The following G6PC2 variants were observed in gnomAD, a reference collection of about 807,000 sequenced individuals.
G6PC2 encodes the protein glucose-6-phosphatase 2.
Under a neutral mutation model 35.4 loss-of-function variants are expected in G6PC2, and 41 were observed. The ratio of observed to expected loss-of-function variants is 1.16; its 90% CI spans 0.90 to 1.50. The LOEUF (loss-of-function observed/expected upper bound fraction) is 1.50, where lower values mean the gene tolerates loss of function less well. Among genes scored for constraint, G6PC2 ranks in the 40% most tolerant of loss-of-function variants. The probability of loss-of-function intolerance (pLI) is 0.00; values close to 1 mark genes in which losing one functional copy is unlikely to be tolerated. For synonymous variants in G6PC2, 165 were observed against 153.2 expected (o/e 1.08, Z -0.57); for missense variants, 441 against 426.5 (o/e 1.03, Z -0.30).
At position 168,908,448 on chromosome 2, in the gene G6PC2, A is replaced by G; in HGVS notation, c.*369A>G. ...TTCTCACAGTCTTCAGCATCCCAGC[A>G]GGAGCCCCACTATGATTCCTTTATC... On this transcript the variant is annotated 3_prime_UTR_variant, in exon 5 of 5. Coordinates refer to ENST00000375363, the MANE Select transcript of G6PC2 (RefSeq NM_021176.3). The G allele has an allele frequency of 3.2e-6, 1 of 312,346 alleles. No homozygotes were observed. Among genetic ancestry groups the G allele is most frequent in the Non-Finnish European group, 6.0e-6 (1 of 167,032 alleles). 19.3% of individuals were successfully genotyped at this position (312,346 alleles called of 1,614,324 possible).
intron 4 of G6PC2, 30 bp downstream of exon 4, chr2:168,906,809 T>C (rs763091287): frequency 1.9e-5 from 20 of 1,056,588 alleles, no homozygotes; most frequent in Non-Finnish European, 4.5e-6. Flanking sequence ...TTTAGCTGTG[T>C]CCTTTGAAAG....
At chr2:168,905,267 T>G (rs1690684405) in intron 3 of G6PC2, among the ~76,000 whole-genome samples, 1 of 152,158 alleles carries the variant, frequency 6.6e-6, no homozygotes, top group African/African-American at 2.4e-5. Context: ...CTGAAATACT[T>G]TGTCATTAAA....
At chr2:168,904,118 TTTC>T (rs1384791768) in intron 2 of G6PC2, among the ~76,000 whole-genome samples, 1 of 151,914 alleles carries the variant, frequency 6.6e-6, no homozygotes, top group Non-Finnish European at 1.5e-5. Context: ...TTGCCATTAC[TTTC>T]AATGGCAAAA....
At position 168,907,954 on chromosome 2, in the gene G6PC2, C is replaced by CA; in HGVS notation, c.944dup (p.His315GlnfsTer13). On this transcript the variant is annotated frameshift_variant, in exon 5 of 5. Coordinates refer to ENST00000375363, the MANE Select transcript of G6PC2 (RefSeq NM_021176.3). LOFTEE classifies it high-confidence loss of function. The stretch of plus-strand genomic sequence containing the variant: ...CTACCATTTCCTCCAGATCCCGACT[C>CA]ACGAAGAGCATTTATTTTATGTGCT... The CA allele has an allele frequency of 6.2e-7, 1 of 1,614,112 alleles. No homozygotes were observed. The highest frequency in any genetic ancestry group is 1.3e-5 in the African/African-American group (1 of 75,058).
In G6PC2 at chr2:168,902,428, T is replaced by C. The variant is rs1207502888; in HGVS notation, c.219-17T>C. ...GTATTTAAATATATATGCATGTTTA[T>C]AATTCTTTAAATACAGGATATTATT... is the stretch of plus-strand genomic sequence containing the variant. On this transcript the variant is annotated splice_polypyrimidine_tract_variant and intron_variant, in intron 1 of 4. Coordinates refer to ENST00000375363, the MANE Select transcript of G6PC2 (RefSeq NM_021176.3). The C allele has an allele frequency of 2.0e-6, 2 of 975,780 alleles. No individual in the cohort carries two copies. The highest frequency in any genetic ancestry group is 1.7e-6 in the Non-Finnish European group (1 of 597,488). The allele number at this position is 975,780 out of a possible 1,614,324, so 60.4% of individuals were successfully genotyped here.
At chr2:168,906,599 C>T in intron 3 of G6PC2, 65 bp from the exon 4 acceptor site, 1 of 798,454 alleles carries the variant, frequency 1.3e-6, no homozygotes. Flanking sequence ...CTGATGTCAC[C>T]CCCTCTAATT....
intron 3 of G6PC2, among the ~76,000 whole-genome samples, chr2:168,905,028 A>G (rs1316051218): frequency 6.6e-6 from 1 of 152,256 alleles, no homozygotes. Context: ...CAGTTTATTC[A>G]GTAAAATTAT....
intron 4 of G6PC2, among the ~76,000 whole-genome samples, 199 bp downstream of exon 4, chr2:168,906,978 C>T (rs568565321): frequency 6.6e-6 from 1 of 152,192 alleles, no homozygotes; most frequent in Non-Finnish European, 1.5e-5. Flanking sequence ...GTGGCACAAT[C>T]TCAGTGGCGT....
At chr2:168,905,560 C>G (rs1690691367) in intron 3 of G6PC2, among the ~76,000 whole-genome samples, 1 of 152,052 alleles carries the variant, frequency 6.6e-6, no homozygotes. Context: ...TAAAAAGGTG[C>G]TATAATGTAA....
chr2:168,902,781 C>T (rs555728356), intron 2 of G6PC2, among the ~76,000 whole-genome samples: 53 of 152,174 alleles, frequency 3.5e-4, no homozygotes, highest in African/African-American at 9.4e-4. Flanking sequence ...GAAAACTCCC[C>T]CAGTGATTAA....
chr2:168,904,076 G>A (rs1690657049), intron 2 of G6PC2, among the ~76,000 whole-genome samples: 1 of 151,918 alleles, frequency 6.6e-6, no homozygotes, highest in Admixed American at 6.6e-5. Flanking sequence ...TCCAATACAA[G>A]CATTAGGGTG....
Position 168,908,108 on chromosome 2 carries a change from C to T in G6PC2, c.*29C>T. 6.3e-7 allele frequency: 1 copy of T among 1,585,536 alleles called. No individual in the cohort carries two copies. Among genetic ancestry groups the T allele is most frequent in the South Asian group, 1.1e-5 (1 of 90,548 alleles). ...GGTGCCTAGAGTTAGTGCTCTGTGT[C>T]ACAGATCACCCTTCTCCATCCACCA... On this transcript the variant is annotated 3_prime_UTR_variant, in exon 5 of 5. Coordinates refer to ENST00000375363, the MANE Select transcript of G6PC2 (RefSeq NM_021176.3).
chr2:168,902,653 AG>A (rs1690625720), intron 2 of G6PC2, 99 bp downstream of exon 2: 1 of 750,224 alleles, frequency 1.3e-6, no homozygotes, highest in Admixed American at 1.8e-5. Flanking sequence ...AGGGTAGTAA[AG>A]AAAATCTCAT....
At chr2:168,902,925 A>G in intron 2 of G6PC2, 1 of 307,764 alleles carries the variant, frequency 3.2e-6, no homozygotes, top group Non-Finnish European at 6.2e-6. Flanking sequence ...AGCAACTTTC[A>G]AAGTTACTAT....
chr2:168,909,614 T>C lies in G6PC2; in HGVS notation c.*1535T>C, dbSNP rs1205404567. 6.6e-6 allele frequency: 1 copy of C among 152,238 alleles called. No individual in the cohort carries two copies. Among genetic ancestry groups the C allele is most frequent in the Non-Finnish European group, 1.5e-5 (1 of 68,034 alleles). The allele number at this position is 152,238 out of a possible 1,614,324, so 9.4% of individuals were successfully genotyped here. A position where few individuals can be genotyped will look rare whatever the true frequency, so the allele number is the denominator to read the frequency against. On this transcript the variant is annotated 3_prime_UTR_variant, in exon 5 of 5. Transcript: ENST00000375363. ...ATTTCTCAGTAAGTGTGTTTTTTCCTCATTGAATCTAGGAATGCTGGGCTT... is the reference window on the plus strand; with the variant it reads ...ATTTCTCAGTAAGTGTGTTTTTTCCCCATTGAATCTAGGAATGCTGGGCTT...
At chr2:168,906,875 A>G (rs1690724714) in intron 4 of G6PC2, 96 bp downstream of exon 4, 1 of 783,122 alleles carries the variant, frequency 1.3e-6, no homozygotes, top group East Asian at 2.5e-5. Flanking sequence ...CAACTTTCCA[A>G]TTTCAGAGGT....
In G6PC2 at chr2:168,907,608, C is replaced by T; in HGVS notation, c.597C>T (p.Ile199=). The change falls in exon 5 of 5, where the codon ATC becomes ATT. Residue 199 remains isoleucine (I), a synonymous_variant. Transcript: ENST00000375363. ...VAEAFEHTPG[I]QTASLGTYLK... Reference sequence around the variant, plus strand: ...AGGCCTTTGAACACACTCCAGGCATCCAAACGGCCAGTCTGGGCACATACC... The same window carrying T: ...AGGCCTTTGAACACACTCCAGGCATTCAAACGGCCAGTCTGGGCACATACC... 1 of 1,613,952 alleles carries T rather than the reference C, an allele frequency of 6.2e-7. No homozygotes were observed. The highest frequency in any genetic ancestry group is 2.2e-5 in the East Asian group (1 of 44,882).
At chr2:168,905,950 T>G (rs1375644292) in intron 3 of G6PC2, among the ~76,000 whole-genome samples, 2 of 139,372 alleles carry the variant, frequency 1.4e-5, no homozygotes, top group Non-Finnish European at 3.0e-5. Context: ...TGCTAACACT[T>G]TTTTTTTTCA....
At chr2:168,901,584 A>G (rs753513484) in intron 1 of G6PC2, 35 bp downstream of exon 1, 3 of 1,084,172 alleles carry the variant, frequency 2.8e-6, no homozygotes, top group South Asian at 1.3e-5. Context: ...TTTTCCTAAG[A>G]TTTATCCTTA....
Sources: gnomAD v4.1 joint callset for allele counts (sites outside exome capture counted in the v4.1 genomes callset) on GRCh38, gnomAD v4.1.1 for gene constraint, MANE v1.5 for transcripts, NCBI Gene and HGNC (gene_info 2026-07-23, HGNC 2026-07-21) for gene names.